FNDC3B: variants seen among roughly 807,000 people sequenced by gnomAD.
FNDC3B encodes fibronectin type III domain-containing protein 3B.
In FNDC3B, 12 loss-of-function variants were observed where a neutral mutation model predicts 151.5. The ratio of observed to expected loss-of-function variants is 0.08; its 90% CI spans 0.05 to 0.13. The LOEUF is 0.13. FNDC3B is among the 10% of genes least tolerant of loss of function. FNDC3B has a pLI of 1.00. For missense variants in FNDC3B, 1,214 were observed against 1,505.3 expected (o/e 0.81, Z 3.20); for synonymous variants, 528 against 549.0 (o/e 0.96, Z 0.54).
intron 1 of FNDC3B, among the ~76,000 whole-genome samples, chr3:172,070,819 T>C (rs887836744): frequency 1.3e-5 from 2 of 152,220 alleles, no homozygotes; most frequent in African/African-American, 4.8e-5. Flanking sequence ...CTCTGCTCCT[T>C]GCTGTAATAT....
At chr3:172,092,326 G>A (rs1718878213) in intron 1 of FNDC3B, among the ~76,000 whole-genome samples, 2 of 152,078 alleles carry the variant, frequency 1.3e-5, no homozygotes, top group Non-Finnish European at 2.9e-5. Context: ...GTCATATGCT[G>A]GACTCTACCT....
At chr3:172,353,475 T>C (rs1733952203) in intron 22 of FNDC3B, among the ~76,000 whole-genome samples, 1 of 152,238 alleles carries the variant, frequency 6.6e-6, no homozygotes, top group Non-Finnish European at 1.5e-5. Context: ...TTAAGATTTC[T>C]AAAAGGATGG....
At chr3:172,314,396 T>C (rs12631550) in intron 11 of FNDC3B, among the ~76,000 whole-genome samples, 1 of 151,992 alleles carries the variant, frequency 6.6e-6, no homozygotes, top group South Asian at 2.1e-4. Context: ...TTGAAGAAGG[T>C]TGTGTTCAGG....
At chr3:172,318,837 G>A (rs778911390) in intron 11 of FNDC3B, among the ~76,000 whole-genome samples, 9 of 152,216 alleles carry the variant, frequency 5.9e-5, no homozygotes, top group Non-Finnish European at 1.3e-4. Flanking sequence ...TTTCACATGA[G>A]TGCCCACTGC....
intron 1 of FNDC3B, among the ~76,000 whole-genome samples, chr3:172,048,305 A>G (rs1716465664): frequency 6.6e-6 from 1 of 152,132 alleles, no homozygotes; most frequent in Admixed American, 6.6e-5. Context: ...TATACCTTCT[A>G]TATCTTTTAT....
intron 3 of FNDC3B, among the ~76,000 whole-genome samples, chr3:172,173,254 G>A (rs1342028332): frequency 6.6e-6 from 1 of 152,004 alleles, no homozygotes; most frequent in Non-Finnish European, 1.5e-5. Flanking sequence ...TCCTTCTTTT[G>A]GACATCTCTC....
chr3:172,321,367 T>A (rs1196757389), intron 11 of FNDC3B, among the ~76,000 whole-genome samples: 1 of 152,224 alleles, frequency 6.6e-6, no homozygotes, highest in East Asian at 1.9e-4. Context: ...TTTTGGTTGA[T>A]CTTTATCGTC....
At chr3:172,269,791 C>T (rs912427771) in intron 6 of FNDC3B, among the ~76,000 whole-genome samples, 1 of 151,758 alleles carries the variant, frequency 6.6e-6, no homozygotes, top group Non-Finnish European at 1.5e-5. Context: ...ACTACAAGTG[C>T]GTGCCACCAT....
chr3:172,134,590 T>C (rs556137505), intron 3 of FNDC3B, among the ~76,000 whole-genome samples: 30 of 152,340 alleles, frequency 2.0e-4, no homozygotes, highest in African/African-American at 7.0e-4. Flanking sequence ...AGTTTTTTTT[T>C]TCCTTGCGTA....
At chr3:172,232,570 G>A (rs1034716736) in intron 4 of FNDC3B, among the ~76,000 whole-genome samples, 1 of 152,282 alleles carries the variant, frequency 6.6e-6, no homozygotes, top group Admixed American at 6.5e-5. Flanking sequence ...GGGATGTGGT[G>A]TGTTTTGTGC....
At chr3:172,141,985 C>CA (rs1354894683) in intron 3 of FNDC3B, among the ~76,000 whole-genome samples, 1 of 152,140 alleles carries the variant, frequency 6.6e-6, no homozygotes, top group East Asian at 1.9e-4. Flanking sequence ...TTGCCTGGCT[C>CA]AAAAATCCCC....
intron 3 of FNDC3B, among the ~76,000 whole-genome samples, chr3:172,159,436 A>C (rs1722663166): frequency 6.6e-6 from 1 of 151,934 alleles, no homozygotes; most frequent in Non-Finnish European, 1.5e-5. Context: ...CATCCTATTC[A>C]CTCTAAAGTG....
At chr3:172,147,565 A>G (rs1721979916) in intron 3 of FNDC3B, among the ~76,000 whole-genome samples, 1 of 152,164 alleles carries the variant, frequency 6.6e-6, no homozygotes, top group Non-Finnish European at 1.5e-5. Flanking sequence ...GTCAGACCCT[A>G]AAGATTATCA....
intron 3 of FNDC3B, among the ~76,000 whole-genome samples, chr3:172,180,848 A>G (rs1723853662): frequency 6.6e-6 from 1 of 152,218 alleles, no homozygotes; most frequent in African/African-American, 2.4e-5. Context: ...TTAGTATCTT[A>G]GAGGTGGGTG....
In FNDC3B at chr3:172,195,840, C is replaced by G. The variant is rs143261520; in HGVS notation, c.188-31031C>G. Among the ~76,000 whole-genome samples, 346 of 152,270 alleles carry G rather than the reference C, an allele frequency of 2.3e-3. 3 individuals carry two copies. Among genetic ancestry groups the G allele is most frequent in the Non-Finnish European group, 4.0e-3 (272 of 68,014 alleles). ...AGAGTGCCTGGACCCAATTTTGGGTCTTCTGCCTCAAACTTTTTGACCTTA... is the reference window on the plus strand; with the variant it reads ...AGAGTGCCTGGACCCAATTTTGGGTGTTCTGCCTCAAACTTTTTGACCTTA... On this transcript the variant is annotated intron_variant, in intron 3 of 25. Coordinates refer to ENST00000415807, the MANE Select transcript of FNDC3B (RefSeq NM_022763.4).
intron 4 of FNDC3B, among the ~76,000 whole-genome samples, chr3:172,245,938 A>T (rs990660115): frequency 2.0e-5 from 3 of 152,200 alleles, no homozygotes; most frequent in African/African-American, 7.2e-5. Context: ...TGTTTTTTTA[A>T]CATAAGGATT....
intron 25 of FNDC3B, among the ~76,000 whole-genome samples, chr3:172,395,920 T>G (rs1487163378): frequency 6.6e-6 from 1 of 152,130 alleles, no homozygotes; most frequent in African/African-American, 2.4e-5. Context: ...TGACGATCAA[T>G]GTTGAAGAGG....
chr3:172,326,556 G>A (rs865887868), intron 11 of FNDC3B, among the ~76,000 whole-genome samples: 17 of 151,808 alleles, frequency 1.1e-4, no homozygotes, highest in Non-Finnish European at 2.2e-4. Flanking sequence ...TTGTTCTGTC[G>A]CCCAGGCTGG....
intron 1 of FNDC3B, among the ~76,000 whole-genome samples, chr3:172,047,489 AC>A (rs1716421488): frequency 1.3e-5 from 2 of 152,216 alleles, no homozygotes; most frequent in South Asian, 4.1e-4. Context: ...AAAAGAACAA[AC>A]CACTTTTAAG....
Sources: gnomAD v4.1 joint callset for allele counts (sites outside exome capture counted in the v4.1 genomes callset) on GRCh38, gnomAD v4.1.1 for gene constraint, MANE v1.5 for transcripts, NCBI Gene and HGNC (gene_info 2026-07-23, HGNC 2026-07-21) for gene names.